Variants in DPPA4 observed in about 807,000 individuals in gnomAD.
DPPA4 encodes developmental pluripotency-associated protein 4.
Under a neutral mutation model 33.7 loss-of-function variants are expected in DPPA4, and 22 were observed. The ratio of observed to expected loss-of-function variants is 0.65; its 90% CI spans 0.47 to 0.93. The LOEUF is 0.93. Ranked by LOEUF, DPPA4 falls within the 40% of genes least tolerant of loss-of-function variation. The probability of loss-of-function intolerance (pLI) is 0.00; values close to 1 mark genes in which losing one functional copy is unlikely to be tolerated. For synonymous variants in DPPA4, 156 were observed against 132.3 expected (o/e 1.18, Z -1.23); for missense variants, 340 against 358.6 (o/e 0.95, Z 0.42).
At chr3:109,332,188 G>A (rs1327092539) in intron 2 of DPPA4, 157 bp from the exon 3 acceptor site, 3 of 541,816 alleles carry the variant, frequency 5.5e-6, no homozygotes, top group South Asian at 2.8e-5. Flanking sequence ...TGCAACCTCC[G>A]CCTCGTGGGT....
At chr3:109,331,252 C>T (rs1160042787) in intron 4 of DPPA4, among the ~76,000 whole-genome samples, 2 of 78,646 alleles carry the variant, frequency 2.5e-5, no homozygotes, top group African/African-American at 1.0e-4. Context: ...CAGAGGGAGA[C>T]TCTGTCTCAA....
At position 109,327,834 on chromosome 3, in the gene DPPA4, A is replaced by C; in HGVS notation, c.*154T>G. On this transcript the variant is annotated 3_prime_UTR_variant, in exon 7 of 7. Transcript: ENST00000335658. ...CACTCACAAAGCAACAGGCACTGCT[A>C]GGGGTCTTAGGCTAACATCTGCCAC... 4 of 600,868 alleles carry C rather than the reference A, an allele frequency of 6.7e-6. No individual in the cohort carries two copies. The South Asian group carries it at 9.8e-5, about 15-fold the overall frequency. The allele number at this position is 600,868 out of a possible 1,614,324, so 37.2% of individuals were successfully genotyped here.
chr3:109,331,528 T>G (rs1189853349), intron 4 of DPPA4, among the ~76,000 whole-genome samples: 3 of 92,732 alleles, frequency 3.2e-5, no homozygotes, highest in Admixed American at 1.9e-4. Context: ...TGGGTGACAG[T>G]GCAAGACTCT....
intron 6 of DPPA4, 60 bp downstream of exon 6, chr3:109,328,830 T>C: frequency 1.4e-6 from 2 of 1,478,754 alleles, no homozygotes; most frequent in Non-Finnish European, 9.3e-7. Flanking sequence ...ATATCTTAAC[T>C]TTCTGCAATT....
chr3:109,333,505 T>G (rs2107348470), intron 2 of DPPA4: 1 of 216,548 alleles, frequency 4.6e-6, no homozygotes, highest in South Asian at 8.0e-5. Context: ...TTAATAAAGG[T>G]AGATATTGTC....
At chr3:109,337,628 T>C, upstream of DPPA4, 3 of 886,752 alleles carry the variant, frequency 3.4e-6, no homozygotes. Context: ...TCTTCTCCCC[T>C]TCTGTTCCCT....
In DPPA4 at chr3:109,326,744, A is replaced by G. The variant is rs1410174384; in HGVS notation, c.*1244T>C. ...TTAATTACACAATAGGATACATTAA[A>G]TATGTGCAGCTTTTTGTATGTGAAT... is the stretch of plus-strand genomic sequence containing the variant. On this transcript the variant is annotated 3_prime_UTR_variant, in exon 7 of 7. Transcript: ENST00000335658. 1.3e-5 allele frequency: 2 copies of G among 152,230 alleles called. No individual in the cohort carries two copies. The highest frequency in any genetic ancestry group is 2.1e-4 in the South Asian group (1 of 4,836). The allele number at this position is 152,230 out of a possible 1,614,324, so 9.4% of individuals were successfully genotyped here. A position where few individuals can be genotyped will look rare whatever the true frequency, so the allele number is the denominator to read the frequency against.
At position 109,330,724 on chromosome 3, in the gene DPPA4, C is replaced by G. The variant is rs763219306; in HGVS notation, c.479G>C (p.Ser160Thr). 1.2e-6 allele frequency: 2 copies of G among 1,614,058 alleles called. No individual in the cohort carries two copies. ...CACTTCAGGAGGATGTGTCTCAGAA[C>G]TTTGCAGGGACGTTTCCCCCTTTTC... is the stretch of plus-strand genomic sequence containing the variant. The part of the protein sequence containing the change: ...KVEKGETSLQ[S>T]SETHPPEVAL... Residue 160 changes from serine (S) to threonine (T), a missense_variant, in exon 5 of 7, where the codon AGT (serine) becomes ACT (threonine). This residue lies in a region of DPPA4 where 212 missense variants were observed against 206.5 expected (regional missense o/e 1.03). Coordinates refer to ENST00000335658, the MANE Select transcript of DPPA4 (RefSeq NM_018189.4).
At chr3:109,330,351 G>T in intron 5 of DPPA4, 173 bp downstream of exon 5, 3 of 495,138 alleles carry the variant, frequency 6.1e-6, no homozygotes, top group Non-Finnish European at 1.1e-5. Context: ...AAAAAGAAAT[G>T]CAAATAAATG....
intron 6 of DPPA4, among the ~76,000 whole-genome samples, chr3:109,328,270 C>CA (rs1261589223): frequency 6.6e-6 from 1 of 152,040 alleles, no homozygotes; most frequent in Non-Finnish European, 1.5e-5. Context: ...ATCACTTTCC[C>CA]AAAAACCTAA....
rs1707949655 is a variant in DPPA4 at position 109,327,001 on chromosome 3, T to G, written c.*987A>C. The stretch of plus-strand genomic sequence containing the variant: ...GGAGAATCGGTTAATAAACACATTT[T>G]AAATTCAATATATTATGTATTTATG... On this transcript the variant is annotated 3_prime_UTR_variant, in exon 7 of 7. Coordinates refer to ENST00000335658, the MANE Select transcript of DPPA4 (RefSeq NM_018189.4). The G allele has an allele frequency of 6.6e-6, 1 of 152,250 alleles. No individual in the cohort carries two copies. 9.4% of individuals were successfully genotyped at this position (152,250 alleles called of 1,614,324 possible).
intron 4 of DPPA4, 55 bp downstream of exon 4, chr3:109,331,679 G>A (rs1708083356): frequency 6.4e-7 from 1 of 1,553,196 alleles, no homozygotes; most frequent in African/African-American, 1.4e-5. Context: ...TCACTTTTGA[G>A]GCTACAATAG....
At chr3:109,337,662 A>G (rs1708242572), upstream of DPPA4, 1 of 697,358 alleles carries the variant, frequency 1.4e-6, no homozygotes, top group Non-Finnish European at 2.5e-6. Flanking sequence ...TAAATGCTAA[A>G]ATTGCATTCT....
In DPPA4 at chr3:109,333,793, G is replaced by T. The variant is rs992135148; in HGVS notation, c.178+77C>A. 5.8e-6 allele frequency: 9 copies of T among 1,540,296 alleles called. No individual in the cohort carries two copies. In the African/African-American group the frequency reaches 1.2e-4, roughly 21 times the overall value. On this transcript the variant is annotated intron_variant, in intron 2 of 6. Transcript: ENST00000335658. Reference sequence around the variant, plus strand: ...ATACATGATGGAAATTTCTTCCCTGGTTTTTCTTCTTCAGAAAAATTCCTC... The same window carrying T: ...ATACATGATGGAAATTTCTTCCCTGTTTTTTCTTCTTCAGAAAAATTCCTC...
intron 1 of DPPA4, among the ~76,000 whole-genome samples, chr3:109,335,759 C>A (rs1708181408): frequency 6.6e-6 from 1 of 151,858 alleles, no homozygotes; most frequent in Non-Finnish European, 1.5e-5. Context: ...TCATTTAATT[C>A]TCATAGCAAT....
In DPPA4 at chr3:109,329,060, T is replaced by C. The variant is rs1303713896; in HGVS notation, c.708A>G (p.Lys236=). The stretch of plus-strand genomic sequence containing the variant: ...AACCATCTGTGTCTGCAGGGAGACT[T>C]TTCCCATGGACCACACACCACCTGA... ...SGVRWCVVHG[K]SLPADTDGWV... The change falls in exon 6 of 7, where the codon AAA becomes AAG. Residue 236 remains lysine, a synonymous_variant. Transcript: ENST00000335658. The C allele has an allele frequency of 6.2e-6, 10 of 1,613,946 alleles. No homozygotes were observed. Among genetic ancestry groups the C allele is most frequent in the Non-Finnish European group, 8.5e-6 (10 of 1,179,998 alleles).
chr3:109,327,578 G>C lies in DPPA4; in HGVS notation c.*410C>G, dbSNP rs995108035. On this transcript the variant is annotated 3_prime_UTR_variant, in exon 7 of 7. Coordinates refer to ENST00000335658, the MANE Select transcript of DPPA4 (RefSeq NM_018189.4). ...CTAGCTACTCAGGAGGCTGAGGCAG[G>C]AGAATCATTTGAACCCAGGAGGCGG... 3 of 158,156 alleles carry C rather than the reference G, an allele frequency of 1.9e-5. No homozygotes were observed. The highest frequency in any genetic ancestry group is 4.1e-5 in the Non-Finnish European group (3 of 72,402). 9.8% of individuals were successfully genotyped at this position (158,156 alleles called of 1,614,324 possible). A position where few individuals can be genotyped will look rare whatever the true frequency, so the allele number is the denominator to read the frequency against.
chr3:109,330,375 C>A lies in DPPA4; in HGVS notation c.679+149G>T, dbSNP rs115925403. On this transcript the variant is annotated intron_variant, in intron 5 of 6. Coordinates refer to ENST00000335658, the MANE Select transcript of DPPA4 (RefSeq NM_018189.4). Reference sequence around the variant, plus strand: ...TGCAAATAAATGCTCAGGTCCTGCCCTAGACCTGCACCAGAAACTCTGTGG... The same window carrying A: ...TGCAAATAAATGCTCAGGTCCTGCCATAGACCTGCACCAGAAACTCTGTGG... The A allele has an allele frequency of 1.6e-3, 1,278 of 819,298 alleles. 12 individuals carry two copies. The African/African-American group carries it at 0.018, about 12-fold the overall frequency. 50.8% of individuals were successfully genotyped at this position (819,298 alleles called of 1,614,324 possible).
chr3:109,327,404 G>T lies in DPPA4; in HGVS notation c.*584C>A, dbSNP rs1707960375. 1 of 152,340 alleles carries T rather than the reference G, an allele frequency of 6.6e-6. No homozygotes were observed. Among genetic ancestry groups the T allele is most frequent in the African/African-American group, 2.4e-5 (1 of 41,464 alleles). The allele number at this position is 152,340 out of a possible 1,614,324, so 9.4% of individuals were successfully genotyped here. On this transcript the variant is annotated 3_prime_UTR_variant, in exon 7 of 7. Transcript: ENST00000335658. ...GAGCTGTTGAAGGTCAGGCGCAGGG[G>T]CTCATGCCCATAGTCCCAGCATTTT...
Sources: gnomAD v4.1 joint callset for allele counts (sites outside exome capture counted in the v4.1 genomes callset) on GRCh38, gnomAD v4.1.1 for gene constraint, gnomAD v4.1.1 regional missense constraint, MANE v1.5 for transcripts, NCBI Gene and HGNC (gene_info 2026-07-23, HGNC 2026-07-21) for gene names.